The following PI4KB variants were observed in gnomAD, a reference collection of about 807,000 sequenced individuals.
PI4KB encodes PtdIns 4-kinase beta.
Under a neutral mutation model 81.4 loss-of-function variants are expected in PI4KB, and 23 were observed. The ratio of observed to expected loss-of-function variants is 0.28; its 90% CI spans 0.20 to 0.40. PI4KB has a LOEUF of 0.40. PI4KB is among the 10% of genes least tolerant of loss of function. The probability of loss-of-function intolerance (pLI) is 1.00; values close to 1 mark genes in which losing one functional copy is unlikely to be tolerated. For synonymous variants in PI4KB, 381 were observed against 406.8 expected (o/e 0.94, Z 0.76); for missense variants, 651 against 1,036.6 (o/e 0.63, Z 5.11).
intron 8 of PI4KB, chr1:151,300,809 C>A (rs1412199707): frequency 6.6e-6 from 1 of 152,262 alleles, no homozygotes; most frequent in African/African-American, 2.4e-5. Flanking sequence ...ACCTGATGGT[C>A]CCCTATTCCT....
chr1:151,310,296 G>T, intron 2 of PI4KB, 41 bp from the exon 3 acceptor site: 2 of 1,182,656 alleles, frequency 1.7e-6, no homozygotes, highest in Non-Finnish European at 1.2e-6. Context: ...GGAGGGGGTG[G>T]GAAGGGAGGG....
chr1:151,307,690 G>A lies in PI4KB; in HGVS notation c.1066C>T (p.Leu356Phe). 6.2e-7 allele frequency: 1 copy of A among 1,614,148 alleles called. No homozygotes were observed. ...EQKTQRLISELSLLNHKLPAR... is the reference protein window; with the variant it reads ...EQKTQRLISEFSLLNHKLPAR... ...GGGAGCTTATGGTTGAGCAGGGAGA[G>A]CTCTGAGATCAGCCTCTGTGTTTTC... The change falls in exon 4 of 12, where the codon CTC (leucine) becomes TTC (phenylalanine). Residue 356 changes from leucine to phenylalanine, a missense_variant. Around this residue, in one of 5 missense-constraint regions of PI4KB, gnomAD observed 246 missense variants for 430.1 expected, o/e 0.57. Coordinates refer to ENST00000368873, the MANE Select transcript of PI4KB (RefSeq NM_001369623.2).
chr1:151,321,714 A>G (rs900150712), intron 1 of PI4KB, among the ~76,000 whole-genome samples: 4 of 151,700 alleles, frequency 2.6e-5, no homozygotes, highest in Non-Finnish European at 5.9e-5. Flanking sequence ...TCTACTAAAA[A>G]TACAAAAAAT....
Position 151,316,127 on chromosome 1 carries a change from G to A in PI4KB, c.355C>T (p.Arg119Trp), listed in dbSNP as rs201595401. 6.2e-6 allele frequency: 10 copies of A among 1,614,064 alleles called. No homozygotes were observed. Among genetic ancestry groups the A allele is most frequent in the Admixed American group, 3.3e-5 (2 of 60,016 alleles). ...ASGTAKGARR[R>W]RQNNSAKQSW... ...TGTTTAGCTGAGTTGTTCTGCCGCC[G>A]TCTTCTTGCTCCTTTGGCTGTGCCT... Residue 119 changes from arginine to tryptophan, a missense_variant, in exon 2 of 12, where the codon CGG becomes TGG. Around this residue, in one of 5 missense-constraint regions of PI4KB, gnomAD observed 314 missense variants for 397.8 expected, o/e 0.79. Coordinates refer to ENST00000368873, the MANE Select transcript of PI4KB (RefSeq NM_001369623.2).
At position 151,294,649 on chromosome 1, in the gene PI4KB, T is replaced by C. The variant is rs180835938; in HGVS notation, c.2016-108A>G. ...CATGACACCAGGGAGGGGGGTCCCC[T>C]GCCATGTTTCCTGCTGCCCGTAACT... is the stretch of plus-strand genomic sequence containing the variant. On this transcript the variant is annotated intron_variant, in intron 9 of 11. Coordinates refer to ENST00000368873, the MANE Select transcript of PI4KB (RefSeq NM_001369623.2). 3.0e-4 allele frequency: 292 copies of C among 988,906 alleles called. No homozygotes were observed. The African/African-American group carries it at 3.9e-3, about 13-fold the overall frequency. 61.3% of individuals were successfully genotyped at this position (988,906 alleles called of 1,614,324 possible).
Position 151,316,141 on chromosome 1 carries a change from T to C in PI4KB, c.341A>G (p.Lys114Arg). 1 of 1,614,078 alleles carries C rather than the reference T, an allele frequency of 6.2e-7. No individual in the cohort carries two copies. The highest frequency in any genetic ancestry group is 8.5e-7 in the Non-Finnish European group (1 of 1,179,996). ...GTTCTGCCGCCGTCTTCTTGCTCCT[T>C]TGGCTGTGCCTGAGGCCACAGCGGC... ...MGAAVASGTA[K>R]GARRRRQNNS... The change falls in exon 2 of 12, where the codon AAA becomes AGA. Residue 114 changes from lysine to arginine, a missense_variant. Physicochemically the swap from Lys to Arg is conservative, Grantham distance 26. This residue lies in a region of PI4KB where 314 missense variants were observed against 397.8 expected (regional missense o/e 0.79). Transcript: ENST00000368873.
At chr1:151,314,279 CT>C (rs966165064) in intron 2 of PI4KB, among the ~76,000 whole-genome samples, 1 of 152,198 alleles carries the variant, frequency 6.6e-6, no homozygotes, top group Admixed American at 6.5e-5. Context: ...CAAATTCCTC[CT>C]TTTTTTCTCC....
Position 151,293,000 on chromosome 1 carries a change from G to A in PI4KB, c.2303C>T (p.Thr768Ile). The A allele has an allele frequency of 6.2e-7, 1 of 1,614,180 alleles. No homozygotes were observed. The highest frequency in any genetic ancestry group is 8.5e-7 in the Non-Finnish European group (1 of 1,180,016). ...SQLPCFHGSSTIRNLKERFHM... is the reference protein window; with the variant it reads ...SQLPCFHGSSIIRNLKERFHM... Reference sequence around the variant, plus strand: ...GAACCTCTCTTTGAGGTTTCGAATGGTGCTGGAGCCATGGAAGCAAGGAAG... The same window carrying A: ...GAACCTCTCTTTGAGGTTTCGAATGATGCTGGAGCCATGGAAGCAAGGAAG... The change falls in exon 12 of 12, where the codon ACC (threonine) becomes ATC (isoleucine). Residue 768 changes from threonine (T) to isoleucine (I), a missense_variant. Around this residue, in one of 5 missense-constraint regions of PI4KB, gnomAD observed 70 missense variants for 108.1 expected, o/e 0.65. Coordinates refer to ENST00000368873, the MANE Select transcript of PI4KB (RefSeq NM_001369623.2).
chr1:151,323,017 T>C (rs1454452378), intron 1 of PI4KB, among the ~76,000 whole-genome samples: 1 of 152,174 alleles, frequency 6.6e-6, no homozygotes, highest in Non-Finnish European at 1.5e-5. Context: ...AACCAATATC[T>C]GACGTTCATT....
chr1:151,307,823 C>T (rs368371478), intron 3 of PI4KB, 22 bp from the exon 4 acceptor site: 98 of 1,558,588 alleles, frequency 6.3e-5, no homozygotes, highest in South Asian at 1.7e-4. Flanking sequence ...TGGGGTAAGA[C>T]AAAAGATGGT....
intron 1 of PI4KB, among the ~76,000 whole-genome samples, chr1:151,316,741 G>A (rs1416476697): frequency 6.6e-6 from 1 of 152,170 alleles, no homozygotes; most frequent in Admixed American, 6.5e-5. Flanking sequence ...ACTCAGCTTA[G>A]CCTCTGTTCT....
intron 8 of PI4KB, among the ~76,000 whole-genome samples, 182 bp from the exon 9 acceptor site, chr1:151,299,255 CA>C (rs1695050434): frequency 6.6e-6 from 1 of 151,846 alleles, no homozygotes; most frequent in Admixed American, 6.6e-5. Context: ...TAGGGCCTGA[CA>C]AAGTCAGAAA....
Position 151,319,247 on chromosome 1 carries a change from T to C in PI4KB, c.-28-2738A>G, listed in dbSNP as rs369620060. Among the ~76,000 whole-genome samples, 17 of 151,252 alleles carry C rather than the reference T, an allele frequency of 1.1e-4. No homozygotes were observed. In the East Asian group the frequency reaches 2.1e-3, roughly 19 times the overall value. ...CAGTGCACTGGGTGGCTGAGGCAGGTGGATCACTTTGAGGTCAGCAGTTCA... is the reference window on the plus strand; with the variant it reads ...CAGTGCACTGGGTGGCTGAGGCAGGCGGATCACTTTGAGGTCAGCAGTTCA... On this transcript the variant is annotated intron_variant, in intron 1 of 11. Coordinates refer to ENST00000368873, the MANE Select transcript of PI4KB (RefSeq NM_001369623.2).
intron 5 of PI4KB, among the ~76,000 whole-genome samples, chr1:151,304,924 G>C (rs1173111393): frequency 6.6e-6 from 1 of 151,440 alleles, no homozygotes; most frequent in Non-Finnish European, 1.5e-5. Flanking sequence ...CCGCCTCCTG[G>C]GTTCGAATAA....
chr1:151,323,375 C>T (rs966876142), intron 1 of PI4KB, among the ~76,000 whole-genome samples: 3 of 151,594 alleles, frequency 2.0e-5, no homozygotes, highest in South Asian at 2.1e-4. Flanking sequence ...GGCATGGTGG[C>T]GGGTGCCTGT....
chr1:151,318,397 C>G (rs1192504425), intron 1 of PI4KB, among the ~76,000 whole-genome samples: 1 of 123,072 alleles, frequency 8.1e-6, no homozygotes, highest in East Asian at 2.4e-4. Context: ...AGCCTGGAGA[C>G]AGAGTGAGAC....
intron 9 of PI4KB, among the ~76,000 whole-genome samples, chr1:151,295,210 A>G (rs1160628009): frequency 6.6e-6 from 1 of 152,222 alleles, no homozygotes; most frequent in Non-Finnish European, 1.5e-5. Flanking sequence ...AGCAGAAGGA[A>G]CAATTAACAT....
chr1:151,306,743 C>T (rs1296373478), intron 4 of PI4KB, among the ~76,000 whole-genome samples: 1 of 152,212 alleles, frequency 6.6e-6, no homozygotes, highest in Non-Finnish European at 1.5e-5. Context: ...AAGCTGGGCA[C>T]TGTCCCAAGG....
rs377169682 is a variant in PI4KB, at chr1:151,294,369, T to A, written c.2148+40A>T. On this transcript the variant is annotated intron_variant, in intron 10 of 11. Transcript: ENST00000368873. ...TCCCTCTCCCATGACAGAGAAAGAA[T>A]ACAATGACCCCCGAGAGGCACCTCT... 5.0e-6 allele frequency: 8 copies of A among 1,605,796 alleles called. No homozygotes were observed. In the African/African-American group the frequency reaches 1.1e-4, roughly 21 times the overall value.
Sources: allele counts gnomAD v4.1 joint callset (sites outside exome capture counted in the v4.1 genomes callset), GRCh38; gene constraint gnomAD v4.1.1; regional missense constraint gnomAD v4.1.1; transcripts MANE v1.5; gene names NCBI Gene and HGNC (gene_info 2026-07-23, HGNC 2026-07-21).